MTUS2: variants seen among roughly 807,000 people sequenced by gnomAD.
MTUS2 encodes microtubule associated scaffold protein 2, also known as microtubule-associated tumor suppressor candidate 2.
A neutral mutation model predicts 114.1 loss-of-function variants in MTUS2; 40 were observed. The ratio of observed to expected loss-of-function variants is 0.35; its 90% confidence interval spans 0.27 to 0.46. MTUS2 has a LOEUF of 0.46. Among genes scored for constraint, MTUS2 ranks in the 20% least tolerant of loss-of-function variants. MTUS2 has a pLI of 1.00. For synonymous variants in MTUS2, 688 were observed against 672.0 expected (o/e 1.02, Z -0.37); for missense variants, 1,679 against 1,705.4 (o/e 0.98, Z 0.27).
At chr13:29,257,485 G>A (rs528896233) in intron 5 of MTUS2, among the ~76,000 whole-genome samples, 86 of 152,282 alleles carry the variant, frequency 5.6e-4, no homozygotes, top group African/African-American at 1.7e-3. Flanking sequence ...CAGGTAGAGC[G>A]AATAAAAAAT....
chr13:29,204,456 C>T (rs1341900638), intron 5 of MTUS2, among the ~76,000 whole-genome samples: 1 of 152,144 alleles, frequency 6.6e-6, no homozygotes, highest in Non-Finnish European at 1.5e-5. Flanking sequence ...GGAGCGGTGG[C>T]CTGTTTGGAA....
intron 8 of MTUS2, among the ~76,000 whole-genome samples, chr13:29,385,455 T>G (rs758595860): frequency 2.0e-4 from 30 of 152,266 alleles, no homozygotes; most frequent in Non-Finnish European, 3.7e-4. Flanking sequence ...AAGGAAGCAA[T>G]TAGAACGCTC....
At chr13:29,364,997 G>T (rs1388956391) in intron 8 of MTUS2, among the ~76,000 whole-genome samples, 12 of 152,182 alleles carry the variant, frequency 7.9e-5, no homozygotes, top group Non-Finnish European at 2.9e-5. Flanking sequence ...TAACACAGTA[G>T]AGAGTGCTAG....
chr13:29,313,362 ATTAT>A (rs1461078246), intron 6 of MTUS2, among the ~76,000 whole-genome samples: 2 of 152,238 alleles, frequency 1.3e-5, no homozygotes, highest in African/African-American at 4.8e-5. Context: ...AGGCAAGATC[ATTAT>A]TTATGGCTTG....
chr13:29,260,606 T>C (rs1318858606), intron 5 of MTUS2, among the ~76,000 whole-genome samples: 2 of 152,240 alleles, frequency 1.3e-5, no homozygotes, highest in Admixed American at 6.5e-5. Context: ...ATAGTCCCCA[T>C]GTAGCTAAAG....
chr13:29,250,884 G>A (rs1897101013), intron 5 of MTUS2, among the ~76,000 whole-genome samples: 1 of 152,192 alleles, frequency 6.6e-6, no homozygotes, highest in Non-Finnish European at 1.5e-5. Flanking sequence ...CTCAGAAGAT[G>A]TGCAGTCCCC....
intron 5 of MTUS2, among the ~76,000 whole-genome samples, chr13:29,211,577 CA>C (rs1176876472): frequency 1.3e-5 from 2 of 152,224 alleles, no homozygotes; most frequent in Admixed American, 6.5e-5. Flanking sequence ...TCCTGAGAGA[CA>C]AAAGCAGAAA....
Position 29,398,092 on chromosome 13 carries a change from T to C in MTUS2, c.3117+38619T>C, listed in dbSNP as rs1051494781. ...GTATTGTAAATACACATATCTGTTA[T>C]ATTACTTGCTATACTTCTCTGTGTG... On this transcript the variant is annotated intron_variant, in intron 8 of 15. Transcript: ENST00000612955. 5.3e-5 allele frequency among the ~76,000 whole-genome samples: 8 copies of C among 152,346 alleles called. No individual in the cohort carries two copies. The East Asian group carries it at 1.5e-3, about 29-fold the overall frequency.
At chr13:29,152,023 A>G (rs1892681938) in intron 5 of MTUS2, among the ~76,000 whole-genome samples, 1 of 152,062 alleles carries the variant, frequency 6.6e-6, no homozygotes, top group Non-Finnish European at 1.5e-5. Context: ...CGATTTTGGC[A>G]TCAGGATGAT....
At chr13:28,938,123 G>A (rs1212265796) in intron 2 of MTUS2, among the ~76,000 whole-genome samples, 1 of 152,170 alleles carries the variant, frequency 6.6e-6, no homozygotes, top group East Asian at 1.9e-4. Context: ...GGTGGCTCAC[G>A]TCTGCAATCC....
intron 6 of MTUS2, among the ~76,000 whole-genome samples, chr13:29,314,485 T>C (rs1332298152): frequency 6.6e-6 from 1 of 152,132 alleles, no homozygotes; most frequent in Non-Finnish European, 1.5e-5. Flanking sequence ...GGTACAACTG[T>C]ATTGCAATGA....
chr13:29,430,532 A>G (rs1876910593), intron 8 of MTUS2, among the ~76,000 whole-genome samples: 1 of 152,170 alleles, frequency 6.6e-6, no homozygotes, highest in African/African-American at 2.4e-5. Context: ...TAAAACTTAC[A>G]CTGCTTTTAC....
intron 5 of MTUS2, among the ~76,000 whole-genome samples, chr13:29,122,409 C>G (rs1891347637): frequency 6.6e-6 from 1 of 152,318 alleles, no homozygotes; most frequent in Non-Finnish European, 1.5e-5. Flanking sequence ...AGCACCGCCT[C>G]TTTCACATGG....
chr13:28,855,396 A>G (rs1051752570), intron 2 of MTUS2, among the ~76,000 whole-genome samples: 1 of 151,978 alleles, frequency 6.6e-6, no homozygotes, highest in Non-Finnish European at 1.5e-5. Flanking sequence ...TGCATTAGCT[A>G]TTTATCCTGA....
intron 2 of MTUS2, among the ~76,000 whole-genome samples, chr13:28,912,665 TG>T (rs1382793692): frequency 6.6e-6 from 1 of 152,194 alleles, no homozygotes; most frequent in Non-Finnish European, 1.5e-5. Flanking sequence ...TTTTTCCATT[TG>T]TTTGTGTCCT....
At chr13:29,289,667 A>G (rs1674505318) in intron 6 of MTUS2, among the ~76,000 whole-genome samples, 1 of 152,018 alleles carries the variant, frequency 6.6e-6, no homozygotes, top group Non-Finnish European at 1.5e-5. Flanking sequence ...GGGTTTCGCC[A>G]TCTTGGCCAG....
chr13:29,398,479 AAG>A (rs1450060119), intron 8 of MTUS2, among the ~76,000 whole-genome samples: 2 of 115,704 alleles, frequency 1.7e-5, no homozygotes, highest in East Asian at 2.2e-4. Flanking sequence ...AAAAAAAAAA[AAG>A]AAAGAAAAAG....
chr13:29,236,475 T>C (rs1024426246), intron 5 of MTUS2, among the ~76,000 whole-genome samples: 1 of 152,230 alleles, frequency 6.6e-6, no homozygotes, highest in African/African-American at 2.4e-5. Flanking sequence ...GTGAACTGTG[T>C]GGAACACTAA....
Position 29,038,663 on chromosome 13 carries a change from C to T in MTUS2, c.2446+4538C>T, listed in dbSNP as rs974681069. Among the ~76,000 whole-genome samples, 20 of 152,358 alleles carry T rather than the reference C, an allele frequency of 1.3e-4. 1 individual carries two copies. Among genetic ancestry groups the T allele is most frequent in the African/African-American group, 4.8e-4 (20 of 41,596 alleles). On this transcript the variant is annotated intron_variant, in intron 4 of 15. Coordinates refer to ENST00000612955, the MANE Select transcript of MTUS2 (RefSeq NM_001033602.4). ...CACAGCTGCCCCATCCCCCAGGGTG[C>T]CCTGTCCCAGGGAGATGGGAGTTTT...
Sources: allele counts gnomAD v4.1 joint callset (sites outside exome capture counted in the v4.1 genomes callset), GRCh38; gene constraint gnomAD v4.1.1; transcripts MANE v1.5; gene names NCBI Gene and HGNC (gene_info 2026-07-23, HGNC 2026-07-21).